INSL6: variants seen among roughly 807,000 people sequenced by gnomAD.
The protein encoded by INSL6 is insulin-like peptide INSL6.
INSL6 carries 16 observed loss-of-function variants against 9.4 expected under a neutral mutation model. The observed-to-expected ratio is 1.70, with a 90% CI of 1.15 to 2.59. The LOEUF (loss-of-function observed/expected upper bound fraction) is 2.59. INSL6 is among the 30% of genes most tolerant of loss of function. The pLI is 0.00. For synonymous variants in INSL6, 154 were observed against 96.9 expected (o/e 1.59, Z -3.46); for missense variants, 391 against 257.3 (o/e 1.52, Z -3.56).
chr9:5,112,018 C>A, the INSL6 span: 1 of 402,390 alleles, frequency 2.5e-6, no homozygotes, highest in Non-Finnish European at 5.0e-6. Context: ...TAGCCTGGAG[C>A]AGGAGTCCCT....
downstream of INSL6, among the ~76,000 whole-genome samples, chr9:5,122,482 A>C (rs1304512091): frequency 6.6e-6 from 1 of 151,934 alleles, no homozygotes; most frequent in African/African-American, 2.4e-5. Context: ...GCTTATTTTC[A>C]CTTCTTAGAA....
At chr9:5,159,236 A>T (rs566697179), downstream of INSL6, among the ~76,000 whole-genome samples, 16 of 152,322 alleles carry the variant, frequency 1.1e-4, no homozygotes, top group South Asian at 3.3e-3. Flanking sequence ...AAGGCAGAGA[A>T]GATCACAAAA....
At chr9:5,099,793 G>A in the INSL6 span, 1 of 152,116 alleles carries the variant, frequency 6.6e-6, no homozygotes, top group Non-Finnish European at 1.5e-5. Flanking sequence ...TATCTTCACT[G>A]CCTCAACCAA....
the INSL6 span, among the ~76,000 whole-genome samples, chr9:5,009,379 G>A: frequency 1.3e-5 from 2 of 152,050 alleles, no homozygotes; most frequent in African/African-American, 4.8e-5. Flanking sequence ...AAACAGCCAG[G>A]ATAGAGCAGC....
chr9:5,106,447 TG>T, the INSL6 span, among the ~76,000 whole-genome samples: 1 of 152,180 alleles, frequency 6.6e-6, no homozygotes, highest in African/African-American at 2.4e-5. Flanking sequence ...ACACTGTTGG[TG>T]GGAGTAGTGT....
the INSL6 span, among the ~76,000 whole-genome samples, chr9:4,998,946 G>A: frequency 3.6e-3 from 550 of 151,376 alleles, 1 homozygote; most frequent in African/African-American, 0.012. Flanking sequence ...CTCAGCCTCC[G>A]GAGTAGCTGG....
chr9:5,064,053 G>T, the INSL6 span, among the ~76,000 whole-genome samples: 1 of 152,194 alleles, frequency 6.6e-6, no homozygotes, highest in Non-Finnish European at 1.5e-5. Context: ...CTTTTTGGGA[G>T]ACTGAGACAG....
chr9:5,062,499 G>C, the INSL6 span, among the ~76,000 whole-genome samples: 26 of 40,666 alleles, frequency 6.4e-4, no homozygotes, highest in Non-Finnish European at 1.1e-4. Context: ...CCTTCCATTT[G>C]TAAAAAAAAA....
At chr9:5,031,529 T>C in the INSL6 span, among the ~76,000 whole-genome samples, 1 of 152,130 alleles carries the variant, frequency 6.6e-6, no homozygotes, top group Non-Finnish European at 1.5e-5. Context: ...AATAAAATTT[T>C]AGCTTCTTAC....
chr9:5,138,517 G>C (rs1824428433), intron 2 of INSL6, among the ~76,000 whole-genome samples: 1 of 152,132 alleles, frequency 6.6e-6, no homozygotes, highest in African/African-American at 2.4e-5. Flanking sequence ...TCACTCATAA[G>C]TGGGAGTTGA....
chr9:5,117,934 A>G, the INSL6 span, among the ~76,000 whole-genome samples: 1 of 152,204 alleles, frequency 6.6e-6, no homozygotes, highest in African/African-American at 2.4e-5. Flanking sequence ...ATGCTCACTA[A>G]AAGAATTTAG....
At chr9:5,042,991 G>A in the INSL6 span, among the ~76,000 whole-genome samples, 1 of 152,214 alleles carries the variant, frequency 6.6e-6, no homozygotes, top group South Asian at 2.1e-4. Flanking sequence ...GCTGAGGGGG[G>A]TGGGCCGGCT....
intron 1 of INSL6, among the ~76,000 whole-genome samples, chr9:5,183,769 T>TA (rs1825508337): frequency 2.0e-5 from 3 of 150,954 alleles, no homozygotes; most frequent in African/African-American, 7.3e-5. Flanking sequence ...AAGAGGAGTT[T>TA]AAAAGAAAAA....
At chr9:5,099,017 C>A in the INSL6 span, 2 of 152,082 alleles carry the variant, frequency 1.3e-5, no homozygotes, top group African/African-American at 2.4e-5. Context: ...TCTTATATAA[C>A]CCCAACACCA....
the INSL6 span, among the ~76,000 whole-genome samples, chr9:5,000,252 G>C: frequency 6.6e-6 from 1 of 151,920 alleles, no homozygotes; most frequent in Non-Finnish European, 1.5e-5. Context: ...GTGGGGTTTA[G>C]AAAGGAGGTA....
the INSL6 span, among the ~76,000 whole-genome samples, chr9:5,116,289 C>G: frequency 6.6e-6 from 1 of 152,160 alleles, no homozygotes; most frequent in African/African-American, 2.4e-5. Flanking sequence ...GCTTATAAGC[C>G]TTCCTAACCA....
At chr9:5,084,755 C>A in the INSL6 span, among the ~76,000 whole-genome samples, 3 of 152,108 alleles carry the variant, frequency 2.0e-5, no homozygotes, top group Admixed American at 2.0e-4. Context: ...AACAGTACCA[C>A]ATATAACCAT....
the INSL6 span, chr9:5,072,618 T>A: frequency 6.3e-7 from 1 of 1,599,810 alleles, no homozygotes; most frequent in Non-Finnish European, 8.5e-7. Context: ...ACACAGAAAC[T>A]ATTCAGAGGT....
the INSL6 span, chr9:5,078,324 C>T: frequency 4.3e-6 from 7 of 1,611,864 alleles, no homozygotes; most frequent in Non-Finnish European, 5.1e-6. Flanking sequence ...CACCCTTATT[C>T]ATGGGAATGT....
Sources: gnomAD v4.1 joint callset for allele counts (sites outside exome capture counted in the v4.1 genomes callset) on GRCh38, gnomAD v4.1.1 for gene constraint, MANE v1.5 for transcripts, NCBI Gene and HGNC (gene_info 2026-07-23, HGNC 2026-07-21) for gene names.